The following SAMMSON variants were observed in gnomAD, a reference collection of about 807,000 sequenced individuals.
SAMMSON encodes the protein long intergenic non-protein coding RNA 1212.
chr3:70,313,750 C>T (rs943607586), intron 7 of SAMMSON, among the ~76,000 whole-genome samples: 2 of 152,030 alleles, frequency 1.3e-5, no homozygotes, highest in African/African-American at 2.4e-5. Context: ...ACATTGCTCC[C>T]ACTATATAAT....
At chr3:70,132,757 C>T (rs1393542893) in intron 4 of SAMMSON, among the ~76,000 whole-genome samples, 1 of 128,918 alleles carries the variant, frequency 7.8e-6, no homozygotes, top group East Asian at 2.4e-4. Context: ...GCCTGGGCAA[C>T]ACGATGAGAC....
chr3:70,190,335 A>C (rs959235117), intron 4 of SAMMSON, among the ~76,000 whole-genome samples: 1 of 152,014 alleles, frequency 6.6e-6, no homozygotes, highest in Non-Finnish European at 1.5e-5. Flanking sequence ...CCTGGCTTTA[A>C]TTTGTCCTGC....
chr3:70,345,155 T>C (rs536100159), intron 7 of SAMMSON, among the ~76,000 whole-genome samples: 1 of 152,290 alleles, frequency 6.6e-6, no homozygotes, highest in African/African-American at 2.4e-5. Context: ...CCATACTAAT[T>C]TTCTCCCCTT....
intron 4 of SAMMSON, among the ~76,000 whole-genome samples, chr3:70,085,736 A>G (rs980671937): frequency 6.6e-6 from 1 of 152,218 alleles, no homozygotes; most frequent in East Asian, 1.9e-4. Flanking sequence ...ACAAATAATT[A>G]TATAGTGTCA....
chr3:70,116,526 T>C (rs912191287), intron 4 of SAMMSON, among the ~76,000 whole-genome samples: 1 of 151,954 alleles, frequency 6.6e-6, no homozygotes, highest in African/African-American at 2.4e-5. Context: ...TTTTTTTTTA[T>C]TTGGTTCTAA....
chr3:70,183,391 A>G (rs1701069022), intron 4 of SAMMSON: 1 of 152,202 alleles, frequency 6.6e-6, no homozygotes, highest in Non-Finnish European at 1.5e-5. Flanking sequence ...AGAGTTGAAG[A>G]TAATCCTGAT....
At chr3:70,181,120 T>C (rs1701050318) in intron 4 of SAMMSON, among the ~76,000 whole-genome samples, 1 of 152,132 alleles carries the variant, frequency 6.6e-6, no homozygotes, top group South Asian at 2.1e-4. Context: ...AAGTTTCAGT[T>C]TGCATTCTAA....
intron 4 of SAMMSON, chr3:70,071,673 A>G (rs1682679014): frequency 6.6e-6 from 1 of 152,054 alleles, no homozygotes; most frequent in Non-Finnish European, 1.5e-5. Context: ...GTTAGATTGC[A>G]TCCATTGTTA....
intron 7 of SAMMSON, among the ~76,000 whole-genome samples, chr3:70,293,097 A>T (rs1033464767): frequency 7.3e-5 from 11 of 151,270 alleles, no homozygotes; most frequent in African/African-American, 2.4e-4. Flanking sequence ...ACGAGAAGAA[A>T]GAAAATTCAG....
At chr3:70,099,885 C>T (rs971762389) in intron 4 of SAMMSON, among the ~76,000 whole-genome samples, 1 of 152,120 alleles carries the variant, frequency 6.6e-6, no homozygotes, top group African/African-American at 2.4e-5. Flanking sequence ...TTGCATGTTC[C>T]CTGTGCAGAC....
chr3:70,427,394 C>A (rs906969194), intron 2 of SAMMSON, among the ~76,000 whole-genome samples: 1 of 152,134 alleles, frequency 6.6e-6, no homozygotes, highest in Non-Finnish European at 1.5e-5. Flanking sequence ...AAGCACTGAA[C>A]TAAATGTTCT....
intron 4 of SAMMSON, among the ~76,000 whole-genome samples, chr3:70,084,185 G>A (rs900173906): frequency 3.3e-5 from 5 of 152,016 alleles, no homozygotes; most frequent in Middle Eastern, 3.2e-3. Context: ...CATGAGATTC[G>A]TAAACAAACC....
chr3:70,173,549 C>T (rs1473113525), intron 4 of SAMMSON, among the ~76,000 whole-genome samples: 3 of 151,912 alleles, frequency 2.0e-5, no homozygotes, highest in Non-Finnish European at 4.4e-5. Flanking sequence ...ACCTCATCTG[C>T]CCTCTCACGA....
At chr3:70,295,356 T>C (rs765847549) in intron 7 of SAMMSON, among the ~76,000 whole-genome samples, 24 of 152,188 alleles carry the variant, frequency 1.6e-4, no homozygotes, top group Non-Finnish European at 2.4e-4. Context: ...AATATAGGTA[T>C]GTGTGATTCC....
At chr3:70,357,833 C>T (rs1702841102) in intron 8 of SAMMSON, among the ~76,000 whole-genome samples, 1 of 152,064 alleles carries the variant, frequency 6.6e-6, no homozygotes, top group South Asian at 2.1e-4. Flanking sequence ...ATTTATATCC[C>T]TTTTATTTTA....
At chr3:70,223,138 T>A (rs1224292798) in intron 4 of SAMMSON, among the ~76,000 whole-genome samples, 1 of 152,178 alleles carries the variant, frequency 6.6e-6, no homozygotes, top group Non-Finnish European at 1.5e-5. Flanking sequence ...TTGTCATTGT[T>A]CTATACTACT....
intron 3 of SAMMSON, among the ~76,000 whole-genome samples, chr3:70,025,674 G>T (rs1244918187): frequency 6.6e-6 from 1 of 152,178 alleles, no homozygotes; most frequent in East Asian, 1.9e-4. Context: ...ATCCCACGCG[G>T]TTCACAATCT....
At chr3:70,351,210 C>T (rs972740393) in intron 7 of SAMMSON, among the ~76,000 whole-genome samples, 6 of 151,856 alleles carry the variant, frequency 4.0e-5, no homozygotes, top group East Asian at 1.9e-4. Flanking sequence ...AACCATTACC[C>T]GATTCAAAAA....
intron 4 of SAMMSON, among the ~76,000 whole-genome samples, chr3:70,237,777 T>G (rs1196096796): frequency 6.6e-6 from 1 of 152,202 alleles, no homozygotes; most frequent in Non-Finnish European, 1.5e-5. Context: ...ATGATTTGTA[T>G]GCCGGTGCCA....
Sources: allele counts gnomAD v4.1 joint callset (sites outside exome capture counted in the v4.1 genomes callset), GRCh38; gene constraint gnomAD v4.1.1; transcripts MANE v1.5; gene names NCBI Gene and HGNC (gene_info 2026-07-23, HGNC 2026-07-21).